The following ATRNL1 variants were observed in gnomAD, a reference collection of about 807,000 sequenced individuals.
The protein encoded by ATRNL1 is attractin like 1.
In ATRNL1, 95 loss-of-function variants were observed where a neutral mutation model predicts 182.7. The ratio of observed to expected loss-of-function variants is 0.52; its 90% CI spans 0.44 to 0.62. The LOEUF (loss-of-function observed/expected upper bound fraction) is 0.62. Among genes scored for constraint, ATRNL1 ranks in the 20% least tolerant of loss-of-function variants. The pLI is 0.00. For missense variants in ATRNL1, 1,471 were observed against 1,679.5 expected (o/e 0.88, Z 2.17); for synonymous variants, 576 against 568.3 (o/e 1.01, Z -0.19).
At chr10:115,825,560 C>T (rs1053815496) in intron 27 of ATRNL1, among the ~76,000 whole-genome samples, 1 of 152,024 alleles carries the variant, frequency 6.6e-6, no homozygotes, top group Non-Finnish European at 1.5e-5. Flanking sequence ...CTAAAATATG[C>T]TTAAAGTTAC....
chr10:115,847,148 G>A (rs1950947891), intron 27 of ATRNL1, among the ~76,000 whole-genome samples: 1 of 151,954 alleles, frequency 6.6e-6, no homozygotes, highest in Non-Finnish European at 1.5e-5. Flanking sequence ...ACATTTACAT[G>A]TGGATTCTTA....
intron 8 of ATRNL1, among the ~76,000 whole-genome samples, chr10:115,203,070 T>A (rs1848652148): frequency 1.3e-5 from 2 of 152,118 alleles, no homozygotes; most frequent in Non-Finnish European, 2.9e-5. Context: ...TGTGGGATCG[T>A]TTATTGGAAT....
chr10:115,677,495 T>C (rs1256574234), intron 26 of ATRNL1, among the ~76,000 whole-genome samples: 2 of 151,990 alleles, frequency 1.3e-5, no homozygotes, highest in Non-Finnish European at 2.9e-5. Flanking sequence ...AATTGAATCA[T>C]GGGGGCTTGT....
intron 19 of ATRNL1, among the ~76,000 whole-genome samples, chr10:115,368,324 A>G (rs1554946847): frequency 6.6e-6 from 1 of 152,198 alleles, no homozygotes; most frequent in Non-Finnish European, 1.5e-5. Flanking sequence ...TGACTCGGAA[A>G]GGGAACTCCC....
chr10:115,393,796 T>A (rs781863964), intron 19 of ATRNL1, among the ~76,000 whole-genome samples: 3 of 152,116 alleles, frequency 2.0e-5, no homozygotes, highest in Non-Finnish European at 4.4e-5. Context: ...AATCTACCAA[T>A]TGACTGGATG....
chr10:115,727,330 C>G lies in ATRNL1; in HGVS notation c.3878C>G (p.Thr1293Arg). 6.2e-7 allele frequency: 1 copy of G among 1,614,052 alleles called. No individual in the cohort carries two copies. The highest frequency in any genetic ancestry group is 1.7e-5 in the Admixed American group (1 of 60,016). ...GCTCTGGAAGTGGGAGCTGAACAAA[C>G]AGAGTTTCTGCGAGGGCCATTAGAG... is the stretch of plus-strand genomic sequence containing the variant. ...DVALEVGAEQTEFLRGPLEGA... is the reference protein window; with the variant it reads ...DVALEVGAEQREFLRGPLEGA... Residue 1293 changes from threonine (T) to arginine (R), a missense_variant, in exon 27 of 29, where the codon ACA becomes AGA. By Grantham distance (71) the Thr-to-Arg change is moderately conservative (BLOSUM62 -1). Around this residue, in one of 3 missense-constraint regions of ATRNL1, gnomAD observed 437 missense variants for 506.0 expected, o/e 0.86. Coordinates refer to ENST00000355044, the MANE Select transcript of ATRNL1 (RefSeq NM_207303.4).
chr10:115,428,040 G>A (rs1554963299), intron 21 of ATRNL1, among the ~76,000 whole-genome samples: 2 of 151,044 alleles, frequency 1.3e-5, no homozygotes, highest in Non-Finnish European at 3.0e-5. Flanking sequence ...GTGAGTCTTT[G>A]GAATTATTGT....
At chr10:115,357,777 A>C (rs1448598424) in intron 19 of ATRNL1, among the ~76,000 whole-genome samples, 1 of 151,684 alleles carries the variant, frequency 6.6e-6, no homozygotes, top group Non-Finnish European at 1.5e-5. Context: ...AGTACAGCCT[A>C]TTTTATTAGG....
intron 27 of ATRNL1, among the ~76,000 whole-genome samples, chr10:115,771,012 T>C (rs1948975171): frequency 6.6e-6 from 1 of 152,164 alleles, no homozygotes; most frequent in East Asian, 1.9e-4. Flanking sequence ...TGCAATTTTA[T>C]GAGACAATAT....
chr10:115,211,989 A>G (rs1286694458), intron 8 of ATRNL1, among the ~76,000 whole-genome samples: 1 of 151,514 alleles, frequency 6.6e-6, no homozygotes, highest in African/African-American at 2.4e-5. Context: ...GATAAATTTT[A>G]TTTATTTTTA....
At chr10:115,254,697 T>A (rs548148648) in intron 10 of ATRNL1, among the ~76,000 whole-genome samples, 45 of 152,366 alleles carry the variant, frequency 3.0e-4, no homozygotes, top group Non-Finnish European at 5.9e-4. Context: ...GTTTTAGTCA[T>A]GAAGTCCTTG....
intron 28 of ATRNL1, among the ~76,000 whole-genome samples, chr10:115,902,005 C>A (rs1375179158): frequency 3.3e-5 from 5 of 152,104 alleles, no homozygotes; most frequent in African/African-American, 4.8e-5. Context: ...ATTATGTTTT[C>A]TTTTTCACAT....
At chr10:115,372,558 A>G (rs1365578273) in intron 19 of ATRNL1, among the ~76,000 whole-genome samples, 3 of 152,236 alleles carry the variant, frequency 2.0e-5, no homozygotes, top group African/African-American at 7.2e-5. Context: ...AATATGGTAT[A>G]AGATAAAATT....
rs554866145 is a variant in ATRNL1, at chr10:115,806,445, A to C, written c.3904-41432A>C. Reference sequence around the variant, plus strand: ...AACTTGCAATTTCCTGTAGGAAATTAATAAAATGAAAGAGGGGGTGGCCGG... The same window carrying C: ...AACTTGCAATTTCCTGTAGGAAATTCATAAAATGAAAGAGGGGGTGGCCGG... On this transcript the variant is annotated intron_variant, in intron 27 of 28. Coordinates refer to ENST00000355044, the MANE Select transcript of ATRNL1 (RefSeq NM_207303.4). Among the ~76,000 whole-genome samples the C allele has an allele frequency of 1.1e-4, 16 of 152,304 alleles. No individual in the cohort carries two copies. The Middle Eastern group carries it at 0.017, about 162-fold the overall frequency.
At chr10:115,868,822 C>CT (rs67676674) in intron 28 of ATRNL1, among the ~76,000 whole-genome samples, 666 of 58,058 alleles carry the variant, frequency 0.011, 98 homozygotes, top group African/African-American at 0.037. Flanking sequence ...AGTCTTTATT[C>CT]TTTTTTTTTT....
At chr10:115,730,118 ATGG>A (rs1947746057) in intron 27 of ATRNL1, among the ~76,000 whole-genome samples, 1 of 151,800 alleles carries the variant, frequency 6.6e-6, no homozygotes. Flanking sequence ...TTAGCTGGGC[ATGG>A]TGGTGCACGC....
chr10:115,559,444 G>GTGTGTA (rs1554998463), intron 26 of ATRNL1, among the ~76,000 whole-genome samples: 4 of 62,790 alleles, frequency 6.4e-5, no homozygotes, highest in Non-Finnish European at 1.3e-4. Context: ...GTGTGTGTGT[G>GTGTGTA]CGCGCGCGCA....
chr10:115,264,402 T>C (rs1472910272), intron 10 of ATRNL1, among the ~76,000 whole-genome samples: 1 of 151,718 alleles, frequency 6.6e-6, no homozygotes, highest in African/African-American at 2.4e-5. Flanking sequence ...TTAAAAAATC[T>C]TGTATCTATA....
At chr10:115,777,088 C>T (rs1444530407) in intron 27 of ATRNL1, among the ~76,000 whole-genome samples, 1 of 152,110 alleles carries the variant, frequency 6.6e-6, no homozygotes, top group Non-Finnish European at 1.5e-5. Context: ...ACTGATAGAT[C>T]TGTGATGAGG....
Sources: gnomAD v4.1 joint callset for allele counts (sites outside exome capture counted in the v4.1 genomes callset) on GRCh38, gnomAD v4.1.1 for gene constraint, gnomAD v4.1.1 regional missense constraint, MANE v1.5 for transcripts, NCBI Gene and HGNC (gene_info 2026-07-23, HGNC 2026-07-21) for gene names.